The following MAP1LC3A variants were observed in gnomAD, a reference collection of about 807,000 sequenced individuals.
MAP1LC3A encodes microtubule associated protein 1 light chain 3 alpha.
MAP1LC3A carries 10 observed loss-of-function variants against 15.2 expected under a neutral mutation model. That is an observed-to-expected ratio of 0.66 (90% CI 0.41 to 1.12). The LOEUF is 1.12. MAP1LC3A is among the 50% of genes most tolerant of loss of function. The probability of loss-of-function intolerance (pLI) is 0.00; values close to 1 mark genes in which losing one functional copy is unlikely to be tolerated. For missense variants in MAP1LC3A, 138 were observed against 167.3 expected, an observed-to-expected ratio of 0.82 and a Z score of 0.97; for synonymous variants, 63 against 64.3, an observed-to-expected ratio of 0.98 and a Z score of 0.10.
At chr20:34,553,829 T>A (rs1982039408), upstream of MAP1LC3A, among the ~76,000 whole-genome samples, 1 of 152,220 alleles carries the variant, frequency 6.6e-6, no homozygotes, top group African/African-American at 2.4e-5. Context: ...TCTCCATCTT[T>A]CATTAAACAG....
Position 34,558,857 on chromosome 20 carries a change from C to T in MAP1LC3A, c.-12C>T, listed in dbSNP as rs527780022. The T allele has an allele frequency of 4.9e-6, 7 of 1,436,570 alleles. No individual in the cohort carries two copies. The highest frequency in any genetic ancestry group is 5.4e-6 in the Non-Finnish European group (6 of 1,101,112). 89.0% of individuals were successfully genotyped at this position (1,436,570 alleles called of 1,614,324 possible). A position where few individuals can be genotyped will look rare whatever the true frequency, so the allele number is the denominator to read the frequency against. Reference sequence around the variant, plus strand: ...CAGAGCCCCGGCCTGCGCGCCCAGCCGGGCCCGCGCGATGCCCTCAGACCG... The same window carrying T: ...CAGAGCCCCGGCCTGCGCGCCCAGCTGGGCCCGCGCGATGCCCTCAGACCG... On this transcript the variant is annotated 5_prime_UTR_variant, in exon 1 of 4. Transcript: ENST00000360668. The surrounding 1 kb of genome is among the most constrained non-coding windows in gnomAD (Gnocchi z 4.3).
chr20:34,547,417 CTTTTT>C (rs935450076), intron 1 of MAP1LC3A, among the ~76,000 whole-genome samples: 1 of 121,064 alleles, frequency 8.3e-6, no homozygotes, highest in East Asian at 2.3e-4. Context: ...CGCTCCCCAC[CTTTTT>C]TTTTTTTTTT....
rs1201419419 is a variant in MAP1LC3A at position 34,558,763 on chromosome 20, C to T, written c.-106C>T. 27 of 1,337,446 alleles carry T rather than the reference C, an allele frequency of 2.0e-5. No individual in the cohort carries two copies. The highest frequency in any genetic ancestry group is 2.5e-5 in the Non-Finnish European group (26 of 1,052,240). 82.8% of individuals were successfully genotyped at this position (1,337,446 alleles called of 1,614,324 possible). Reference sequence around the variant, plus strand: ...CCGCAGCCGCCGTGCTCAGCGCGAGCCCCGGAGCCCTTGAGCGCGAGGCGC... The same window carrying T: ...CCGCAGCCGCCGTGCTCAGCGCGAGTCCCGGAGCCCTTGAGCGCGAGGCGC... On this transcript the variant is annotated 5_prime_UTR_variant, in exon 1 of 4. Coordinates refer to ENST00000360668, the MANE Select transcript of MAP1LC3A (RefSeq NM_032514.4). The surrounding 1 kb of genome is among the most constrained non-coding windows in gnomAD (Gnocchi z 4.3).
At position 34,559,328 on chromosome 20, in the gene MAP1LC3A, C is replaced by G. The variant is rs2146681072; in HGVS notation, c.97-19C>G. ...GCGCGTTCCCGACACGACCCCCTGC[C>G]CGCCCGCCCTGCTCCCAGGTGATCA... On this transcript the variant is annotated intron_variant, in intron 2 of 3. Transcript: ENST00000360668. 6.3e-7 allele frequency: 1 copy of G among 1,591,034 alleles called. No homozygotes were observed. Among genetic ancestry groups the G allele is most frequent in the East Asian group, 2.3e-5 (1 of 44,232 alleles).
At chr20:34,549,781 T>C (rs533910407) in intron 1 of MAP1LC3A, 3 of 541,420 alleles carry the variant, frequency 5.5e-6, no homozygotes, top group African/African-American at 3.8e-5. Flanking sequence ...GCCATGGCAC[T>C]GGTGGGCGTG....
chr20:34,549,904 G>T lies in MAP1LC3A; in HGVS notation c.-73-1G>T. ...CTGATTGCAGGCCCTGTTTCCCCCA[G>T]GACTCCATGGCTTCCGAGTTGCTGA... On this transcript the variant is annotated splice_acceptor_variant, in intron 1 of 4. Coordinates refer to the MAP1LC3A transcript ENST00000374837. LOFTEE classifies it low-confidence loss of function (5UTR_SPLICE). 1 of 1,344,430 alleles carries T rather than the reference G, an allele frequency of 7.4e-7. No individual in the cohort carries two copies. The allele number at this position is 1,344,430 out of a possible 1,614,324, so 83.3% of individuals were successfully genotyped here.
upstream of MAP1LC3A, chr20:34,558,097 C>T: frequency 1.0e-6 from 1 of 985,554 alleles, no homozygotes; most frequent in Non-Finnish European, 1.2e-6. This position sits in a 1 kb window ranked among gnomAD's most constrained non-coding sequence, Gnocchi z 4.3. Context: ...GCCATCTGTG[C>T]CCTTTTCCTT....
rs1233093758 is a variant in MAP1LC3A at position 34,559,937 on chromosome 20, C to A, written c.*39C>A. On this transcript the variant is annotated 3_prime_UTR_variant, in exon 4 of 4. Transcript: ENST00000360668. ...GGGCTCGGCCTGGGAGTCGGGCGGC[C>A]CCGGTCAGGCCCTGCCCAGAGAGCT... The A allele has an allele frequency of 4.4e-6, 7 of 1,579,340 alleles. No homozygotes were observed. The African/African-American group carries it at 8.1e-5, about 18-fold the overall frequency.
chr20:34,554,305 C>G (rs1476501791), upstream of MAP1LC3A, among the ~76,000 whole-genome samples: 8 of 147,978 alleles, frequency 5.4e-5, no homozygotes, highest in African/African-American at 1.5e-4. Flanking sequence ...TCATGTTTTA[C>G]CACATAGTAT....
chr20:34,558,295 G>C (rs1344240972), upstream of MAP1LC3A: 6 of 985,772 alleles, frequency 6.1e-6, no homozygotes, highest in Non-Finnish European at 7.2e-6. This position sits in a 1 kb window ranked among gnomAD's most constrained non-coding sequence, Gnocchi z 4.3. Context: ...GTTCTATCCT[G>C]TGTCTGACTG....
intron 3 of MAP1LC3A, 34 bp downstream of exon 3, chr20:34,559,487 G>A (rs1334062294): frequency 6.3e-7 from 1 of 1,576,898 alleles, no homozygotes; most frequent in Non-Finnish European, 8.7e-7. Context: ...AGGTGGCTAG[G>A]GTCGGGAGGG....
At chr20:34,558,590 G>A (rs2146679066), upstream of MAP1LC3A, 1 of 1,199,352 alleles carries the variant, frequency 8.3e-7, no homozygotes, top group East Asian at 3.6e-5. The surrounding 1 kb of genome is among the most constrained non-coding windows in gnomAD (Gnocchi z 4.3). Flanking sequence ...CGCCCCTCGC[G>A]TCCCGGTCCG....
At chr20:34,555,144 C>CTTTT (rs201229933), upstream of MAP1LC3A, among the ~76,000 whole-genome samples, 8 of 141,518 alleles carry the variant, frequency 5.7e-5, 2 homozygotes, top group Non-Finnish European at 1.1e-4. Flanking sequence ...AGCGAATTTT[C>CTTTT]TTATTTTTTT....
In MAP1LC3A at chr20:34,548,407, C is replaced by T. The variant is rs369371814; in HGVS notation, c.-74+1491C>T. Reference sequence around the variant, plus strand: ...AGACCGCTCCAAGGGCTTGAGGTCACGGAGGGAGAAGGGTGGCAGCCCCGG... The same window carrying T: ...AGACCGCTCCAAGGGCTTGAGGTCATGGAGGGAGAAGGGTGGCAGCCCCGG... On this transcript the variant is annotated intron_variant, in intron 1 of 4. Coordinates refer to the MAP1LC3A transcript ENST00000374837. 1.1e-4 allele frequency among the ~76,000 whole-genome samples: 16 copies of T among 152,232 alleles called. No individual in the cohort carries two copies. The South Asian group carries it at 2.7e-3, about 26-fold the overall frequency.
Position 34,559,817 on chromosome 20 carries a change from C to A in MAP1LC3A, c.285C>A (p.Ile95=). The A allele has an allele frequency of 6.2e-7, 1 of 1,614,030 alleles. No individual in the cohort carries two copies. Among genetic ancestry groups the A allele is most frequent in the Non-Finnish European group, 8.5e-7 (1 of 1,179,992 alleles). ...GCATGGTGAGTGTGTCCACGCCCAT[C>A]GCGGACATCTACGAGCAGGAGAAAG... ...QHSMVSVSTP[I]ADIYEQEKDE... is the part of the protein sequence containing the mutation. The change falls in exon 4 of 4, where the codon ATC becomes ATA. Residue 95 remains isoleucine (I), a synonymous_variant. Coordinates refer to ENST00000360668, the MANE Select transcript of MAP1LC3A (RefSeq NM_032514.4).
intron 1 of MAP1LC3A, among the ~76,000 whole-genome samples, chr20:34,548,033 G>T (rs1402090038): frequency 5.3e-5 from 8 of 152,130 alleles, no homozygotes; most frequent in Admixed American, 4.6e-4. Context: ...GAGCAGTGAC[G>T]GTGGAGACAG....
At chr20:34,549,781 T>A in intron 1 of MAP1LC3A, 1 of 541,420 alleles carries the variant, frequency 1.8e-6, no homozygotes, top group Non-Finnish European at 3.3e-6. Context: ...GCCATGGCAC[T>A]GGTGGGCGTG....
chr20:34,558,831 C>T lies in MAP1LC3A; in HGVS notation c.-38C>T, dbSNP rs1982273680. The T allele has an allele frequency of 1.4e-6, 2 of 1,428,276 alleles. No homozygotes were observed. The highest frequency in any genetic ancestry group is 1.8e-6 in the Non-Finnish European group (2 of 1,097,688). The allele number at this position is 1,428,276 out of a possible 1,614,324, so 88.5% of individuals were successfully genotyped here. A position where few individuals can be genotyped will look rare whatever the true frequency, so the allele number is the denominator to read the frequency against. On this transcript the variant is annotated 5_prime_UTR_variant, in exon 1 of 4. Coordinates refer to ENST00000360668, the MANE Select transcript of MAP1LC3A (RefSeq NM_032514.4). This position sits in a 1 kb window ranked among gnomAD's most constrained non-coding sequence, Gnocchi z 4.3. ...CAAACCGCAGACACATCCCCGCGCC[C>T]CAGAGCCCCGGCCTGCGCGCCCAGC...
intron 1 of MAP1LC3A, among the ~76,000 whole-genome samples, chr20:34,547,275 GAA>G (rs1346991912): frequency 6.6e-6 from 1 of 152,148 alleles, no homozygotes; most frequent in Non-Finnish European, 1.5e-5. Flanking sequence ...GGCGGCAGAA[GAA>G]AGAGGGAGTT....
Sources: gnomAD v4.1 joint callset for allele counts (sites outside exome capture counted in the v4.1 genomes callset) on GRCh38, gnomAD v4.1.1 for gene constraint, Gnocchi (gnomAD v3.1) non-coding constraint, MANE v1.5 for transcripts, NCBI Gene and HGNC (gene_info 2026-07-23, HGNC 2026-07-21) for gene names.